The following NAALADL2 variants were observed in gnomAD, a reference collection of about 807,000 sequenced individuals.
The protein encoded by NAALADL2 is inactive N-acetylated-alpha-linked acidic dipeptidase-like protein 2.
A neutral mutation model predicts 87.2 loss-of-function variants in NAALADL2; 76 were observed. That is an observed-to-expected ratio of 0.87 (90% CI 0.72 to 1.05). The LOEUF (loss-of-function observed/expected upper bound fraction) is 1.05, where lower values mean the gene tolerates loss of function less well. Among genes scored for constraint, NAALADL2 ranks in the 50% least tolerant of loss-of-function variants. NAALADL2 has a pLI of 0.00. For missense variants in NAALADL2, 1,089 were observed against 945.8 expected (o/e 1.15, Z -1.99); for synonymous variants, 354 against 331.0 (o/e 1.07, Z -0.75).
chr3:175,732,266 G>A (rs1053373028), intron 11 of NAALADL2, among the ~76,000 whole-genome samples: 7 of 151,232 alleles, frequency 4.6e-5, no homozygotes, highest in East Asian at 1.9e-4. Flanking sequence ...TGTGCATGAT[G>A]GGGGGGATGC....
intron 1 of NAALADL2, among the ~76,000 whole-genome samples, chr3:174,511,468 T>C (rs114187321): frequency 0.011 from 1,750 of 152,186 alleles, 28 homozygotes; most frequent in African/African-American, 0.038. Flanking sequence ...TGATTTAATA[T>C]GGAAATTCCA....
chr3:175,010,466 G>A (rs1334203608), intron 1 of NAALADL2, among the ~76,000 whole-genome samples: 2 of 152,188 alleles, frequency 1.3e-5, no homozygotes, highest in East Asian at 1.9e-4. Context: ...TCTTGCTTCT[G>A]TGTTACTGCT....
intron 1 of NAALADL2, among the ~76,000 whole-genome samples, chr3:174,921,017 C>T (rs535967488): frequency 2.9e-4 from 44 of 152,062 alleles, no homozygotes; most frequent in Non-Finnish European, 4.6e-4. Flanking sequence ...CAAATAATTA[C>T]AATAGTAACA....
intron 5 of NAALADL2, among the ~76,000 whole-genome samples, chr3:175,406,949 G>A (rs536548415): frequency 5.9e-5 from 9 of 152,236 alleles, no homozygotes; most frequent in African/African-American, 2.2e-4. Context: ...GGGAGGCTGA[G>A]GTGGGCGGAT....
At chr3:174,670,340 A>G (rs1726415368) in intron 2 of NAALADL2, among the ~76,000 whole-genome samples, 1 of 152,144 alleles carries the variant, frequency 6.6e-6, no homozygotes, top group African/African-American at 2.4e-5. Context: ...GTGTTTAATT[A>G]CCTTTTTAGC....
intron 9 of NAALADL2, among the ~76,000 whole-genome samples, chr3:175,562,636 GTAAA>G (rs1716453885): frequency 6.6e-6 from 1 of 151,728 alleles, no homozygotes; most frequent in East Asian, 1.9e-4. Context: ...AAATTGCTCT[GTAAA>G]TAAAGGAATT....
intron 2 of NAALADL2, among the ~76,000 whole-genome samples, chr3:174,601,495 AT>A (rs1160082110): frequency 6.6e-6 from 1 of 151,904 alleles, no homozygotes; most frequent in Non-Finnish European, 1.5e-5. Context: ...AGATTATTAG[AT>A]TTTTTTGCTA....
At chr3:175,377,254 G>T (rs1208166883) in intron 5 of NAALADL2, among the ~76,000 whole-genome samples, 1 of 152,194 alleles carries the variant, frequency 6.6e-6, no homozygotes, top group African/African-American at 2.4e-5. Flanking sequence ...AGAGGATGCA[G>T]TGAGCTAAGA....
At chr3:174,770,518 G>A (rs1357539415) in intron 3 of NAALADL2, among the ~76,000 whole-genome samples, 2 of 152,126 alleles carry the variant, frequency 1.3e-5, no homozygotes, top group East Asian at 3.9e-4. Flanking sequence ...TAATTCAGTA[G>A]GTTTTTGTCT....
chr3:175,448,997 T>C (rs1232837414), intron 6 of NAALADL2, among the ~76,000 whole-genome samples: 1 of 152,192 alleles, frequency 6.6e-6, no homozygotes, highest in African/African-American at 2.4e-5. Context: ...ATTATAAGTA[T>C]GAGCCACCAT....
chr3:175,627,494 T>C, intron 11 of NAALADL2, 108 bp downstream of exon 11: 1 of 692,164 alleles, frequency 1.4e-6, no homozygotes, highest in Non-Finnish European at 2.4e-6. Flanking sequence ...TATTTTCATT[T>C]GTAGAATATA....
chr3:175,489,692 T>G (rs1026204465), intron 9 of NAALADL2, among the ~76,000 whole-genome samples: 2 of 152,126 alleles, frequency 1.3e-5, no homozygotes, highest in Non-Finnish European at 2.9e-5. Context: ...CTATTAATTT[T>G]TAGAAGTAAG....
At chr3:174,913,356 A>C (rs1185216493) in intron 1 of NAALADL2, among the ~76,000 whole-genome samples, 1 of 152,112 alleles carries the variant, frequency 6.6e-6, no homozygotes, top group African/African-American at 2.4e-5. Context: ...TTTCCTTTGC[A>C]AACAGGGCTT....
intron 2 of NAALADL2, among the ~76,000 whole-genome samples, chr3:174,556,603 A>G (rs1712853613): frequency 6.6e-6 from 1 of 152,216 alleles, no homozygotes; most frequent in South Asian, 2.1e-4. Context: ...CTTAATACAC[A>G]ACTTATAGAA....
chr3:175,025,336 A>G (rs921810014), intron 1 of NAALADL2, among the ~76,000 whole-genome samples: 1 of 152,184 alleles, frequency 6.6e-6, no homozygotes, highest in African/African-American at 2.4e-5. Context: ...TTAAATAATG[A>G]CACAGAATAG....
In NAALADL2 at chr3:174,487,623, T is replaced by C. The variant is rs536038915; in HGVS notation, c.-184+46591T>C. On this transcript the variant is annotated intron_variant, in intron 1 of 3. Coordinates refer to the NAALADL2 transcript ENST00000434257. ...TATGGATTGGATTTCAGCAGGTAGA[T>C]GAGGGAGGCATTCCAGTCCCAGAGA... Among the ~76,000 whole-genome samples the C allele has an allele frequency of 3.3e-5, 5 of 151,918 alleles. No homozygotes were observed. The South Asian group carries it at 1.0e-3, about 32-fold the overall frequency.
chr3:175,322,188 C>T (rs1201905234), intron 4 of NAALADL2, among the ~76,000 whole-genome samples: 5 of 151,066 alleles, frequency 3.3e-5, no homozygotes, highest in African/African-American at 7.3e-5. Context: ...ATGCCGCATA[C>T]CTACAACTAT....
chr3:174,766,497 C>A (rs755764357), intron 3 of NAALADL2, among the ~76,000 whole-genome samples: 6 of 152,116 alleles, frequency 3.9e-5, no homozygotes, highest in Non-Finnish European at 8.8e-5. Flanking sequence ...TGTCAAGAAG[C>A]AAAGCTATAA....
rs11424007 is a variant in NAALADL2, at chr3:175,417,117, G to GAA, written c.1091-30097_1091-30096dup. Among the ~76,000 whole-genome samples, 316 of 125,458 alleles carry GAA rather than the reference G, an allele frequency of 2.5e-3. 1 individual carries two copies. The highest frequency in any genetic ancestry group is 5.2e-3 in the Admixed American group (64 of 12,276). The allele number at this position is 125,458 out of a possible 152,430, so 82.3% of individuals were successfully genotyped here. A position where few individuals can be genotyped will look rare whatever the true frequency, so the allele number is the denominator to read the frequency against. On this transcript the variant is annotated intron_variant, in intron 5 of 13. Coordinates refer to ENST00000454872, the MANE Select transcript of NAALADL2 (RefSeq NM_207015.3). The stretch of plus-strand genomic sequence containing the variant: ...AGCCAAAATACAGAGGAAGAGAAAA[G>GAA]AAAAAAAAAAAAAAAAGTCCAGCCA...
Sources: gnomAD v4.1 joint callset for allele counts (sites outside exome capture counted in the v4.1 genomes callset) on GRCh38, gnomAD v4.1.1 for gene constraint, MANE v1.5 for transcripts, NCBI Gene and HGNC (gene_info 2026-07-23, HGNC 2026-07-21) for gene names.